CNTN4: variants seen among roughly 807,000 people sequenced by gnomAD.
CNTN4 encodes contactin-4.
CNTN4 carries 77 observed loss-of-function variants against 122.5 expected under a neutral mutation model. The observed-to-expected ratio is 0.63, with a 90% CI of 0.52 to 0.76. The LOEUF is 0.76. Ranked by LOEUF, CNTN4 falls within the 30% of genes least tolerant of loss-of-function variation. The probability of loss-of-function intolerance (pLI) is 0.00; values close to 1 mark genes in which losing one functional copy is unlikely to be tolerated. For missense variants in CNTN4, 1,256 were observed against 1,259.1 expected (o/e 1.00, Z 0.04); for synonymous variants, 512 against 447.0 (o/e 1.15, Z -1.83).
intron 2 of CNTN4, among the ~76,000 whole-genome samples, chr3:2,326,512 A>ACG (rs2043466315): frequency 7.2e-6 from 1 of 139,138 alleles, no homozygotes; most frequent in Admixed American, 7.3e-5. Flanking sequence ...ACACACACAC[A>ACG]CACACACACA....
At chr3:2,427,314 T>C (rs2047877704) in intron 3 of CNTN4, among the ~76,000 whole-genome samples, 1 of 152,238 alleles carries the variant, frequency 6.6e-6, no homozygotes, top group Non-Finnish European at 1.5e-5. Context: ...TATTTCTGCC[T>C]TCATTTCGTT....
intron 6 of CNTN4, among the ~76,000 whole-genome samples, chr3:2,815,726 CT>C (rs1305657956): frequency 4.6e-5 from 7 of 152,090 alleles, no homozygotes; most frequent in African/African-American, 1.2e-4. Flanking sequence ...AGCAATCTCA[CT>C]ACTGAGTATC....
At chr3:2,197,843 C>A (rs945143523) in intron 2 of CNTN4, among the ~76,000 whole-genome samples, 1 of 151,868 alleles carries the variant, frequency 6.6e-6, no homozygotes, top group Non-Finnish European at 1.5e-5. Context: ...GGTGAAACCC[C>A]GTCTCTATTA....
chr3:2,993,166 T>C (rs1286478005), intron 14 of CNTN4, among the ~76,000 whole-genome samples: 1 of 152,186 alleles, frequency 6.6e-6, no homozygotes, highest in African/African-American at 2.4e-5. Context: ...CATGAAACTT[T>C]TATGAAATTC....
rs78399814 is a variant in CNTN4 at position 2,315,184 on chromosome 3, A to G, written c.-144-23994A>G. On this transcript the variant is annotated intron_variant, in intron 2 of 24. Transcript: ENST00000418658. ...GTAGAAGGAATTTGAAAGTTAGTCA[A>G]TATCATTGAGCATAAATCAGCTCCA... 1.2e-3 allele frequency among the ~76,000 whole-genome samples: 180 copies of G among 151,398 alleles called. 3 individuals carry two copies. The East Asian group carries it at 0.024, about 20-fold the overall frequency.
At chr3:2,878,039 C>A (rs17021602) in intron 8 of CNTN4, among the ~76,000 whole-genome samples, 16,024 of 152,130 alleles carry the variant, frequency 0.11, 1,727 homozygotes, top group East Asian at 0.62. Flanking sequence ...GACTTTAATA[C>A]TAGGCCAATC....
chr3:2,945,054 G>A (rs558006026), intron 13 of CNTN4, among the ~76,000 whole-genome samples: 16 of 152,202 alleles, frequency 1.1e-4, no homozygotes, highest in South Asian at 6.2e-4. Context: ...GCAGTTCCCC[G>A]TTTCAGGGGG....
chr3:2,589,187 C>T (rs1167052241), intron 4 of CNTN4, among the ~76,000 whole-genome samples: 1 of 152,106 alleles, frequency 6.6e-6, no homozygotes, highest in Non-Finnish European at 1.5e-5. Context: ...ACTGGAGATC[C>T]TTTAATCACC....
intron 4 of CNTN4, among the ~76,000 whole-genome samples, chr3:2,624,257 T>A (rs547304784): frequency 6.6e-6 from 1 of 152,280 alleles, no homozygotes; most frequent in Non-Finnish European, 1.5e-5. Flanking sequence ...ACCAGTACAC[T>A]AAAAGGGTCC....
chr3:2,585,610 G>A (rs1311332956), intron 4 of CNTN4, among the ~76,000 whole-genome samples: 6 of 150,148 alleles, frequency 4.0e-5, no homozygotes, highest in African/African-American at 1.5e-4. Context: ...AACACTGCAT[G>A]TTCTTACTCA....
chr3:2,156,769 T>C (rs1356794389), intron 2 of CNTN4, among the ~76,000 whole-genome samples: 1 of 152,180 alleles, frequency 6.6e-6, no homozygotes, highest in Non-Finnish European at 1.5e-5. Context: ...TTGGTAGTTC[T>C]GCAGTTGAAA....
intron 3 of CNTN4, among the ~76,000 whole-genome samples, chr3:2,533,771 G>A (rs978548842): frequency 6.6e-6 from 1 of 152,140 alleles, no homozygotes; most frequent in East Asian, 1.9e-4. Flanking sequence ...TCCAGCACCT[G>A]TTGTTTCCTG....
At chr3:2,139,756 G>T (rs545796811) in intron 2 of CNTN4, among the ~76,000 whole-genome samples, 5 of 152,314 alleles carry the variant, frequency 3.3e-5, no homozygotes, top group Non-Finnish European at 7.3e-5. Context: ...AACTATGCCA[G>T]TGTGCACAGT....
At position 2,364,381 on chromosome 3, in the gene CNTN4, C is replaced by T. The variant is rs189683490; in HGVS notation, c.-89+25148C>T. On this transcript the variant is annotated intron_variant, in intron 3 of 24. Coordinates refer to ENST00000418658, the MANE Select transcript of CNTN4 (RefSeq NM_175607.3). ...AGTTGCTGCCCTTGCTGTTTTTATT[C>T]TATTTTGTTGTTAATCTTTCTATTT... Among the ~76,000 whole-genome samples, 11 of 152,150 alleles carry T rather than the reference C, an allele frequency of 7.2e-5. No homozygotes were observed. The East Asian group carries it at 2.1e-3, about 29-fold the overall frequency.
At chr3:2,354,351 C>G (rs548978637) in intron 3 of CNTN4, among the ~76,000 whole-genome samples, 8 of 152,126 alleles carry the variant, frequency 5.3e-5, no homozygotes, top group South Asian at 4.2e-4. Context: ...GCCAATGTGG[C>G]GAAACCCCAT....
At chr3:2,179,582 G>T (rs2036918300) in intron 2 of CNTN4, among the ~76,000 whole-genome samples, 1 of 151,926 alleles carries the variant, frequency 6.6e-6, no homozygotes, top group Non-Finnish European at 1.5e-5. Flanking sequence ...ACCGCCATTA[G>T]CAATTTTATA....
chr3:2,958,570 A>T (rs1177495714), intron 13 of CNTN4, among the ~76,000 whole-genome samples: 1 of 152,210 alleles, frequency 6.6e-6, no homozygotes, highest in African/African-American at 2.4e-5. Context: ...ATTAAAAATA[A>T]GACAGATAAG....
chr3:2,317,587 A>T (rs1337364367), intron 2 of CNTN4, among the ~76,000 whole-genome samples: 12 of 151,954 alleles, frequency 7.9e-5, no homozygotes. Flanking sequence ...CTTTATGTGT[A>T]CTCTTTGGCC....
chr3:3,012,484 C>G (rs1363143057), intron 14 of CNTN4, among the ~76,000 whole-genome samples: 1 of 152,002 alleles, frequency 6.6e-6, no homozygotes, highest in Non-Finnish European at 1.5e-5. Context: ...CAGTCTCACA[C>G]TGTTGCCCGG....
Sources: gnomAD v4.1 joint callset for allele counts (sites outside exome capture counted in the v4.1 genomes callset) on GRCh38, gnomAD v4.1.1 for gene constraint, MANE v1.5 for transcripts, NCBI Gene and HGNC (gene_info 2026-07-23, HGNC 2026-07-21) for gene names.